Variants in OS9 observed in about 807,000 individuals in gnomAD.
The protein encoded by OS9 is OS9 endoplasmic reticulum lectin, also known as protein OS-9.
In OS9, 58 loss-of-function variants were observed where a neutral mutation model predicts 84.7. The observed-to-expected ratio is 0.68, with a 90% confidence interval of 0.55 to 0.85. OS9 has a LOEUF of 0.85. Among genes scored for constraint, OS9 ranks in the 40% least tolerant of loss-of-function variants. The pLI, the probability that OS9 is intolerant of heterozygous loss-of-function variation, is 0.00. For synonymous variants in OS9, 278 were observed against 320.8 expected, an observed-to-expected ratio of 0.87 and a Z score of 1.43; for missense variants, 760 against 850.9, an observed-to-expected ratio of 0.89 and a Z score of 1.33.
intron 5 of OS9, among the ~76,000 whole-genome samples, chr12:57,711,803 A>G (rs1026824573): frequency 6.6e-6 from 1 of 152,226 alleles, no homozygotes; most frequent in African/African-American, 2.4e-5. Context: ...CTTACATATA[A>G]TTGGGCTGGG....
chr12:57,714,389 G>C (rs1954421541), intron 5 of OS9, among the ~76,000 whole-genome samples: 1 of 152,132 alleles, frequency 6.6e-6, no homozygotes, highest in South Asian at 2.1e-4. Context: ...ATTTTTAGTA[G>C]AGATGGGGTT....
Position 57,720,918 on chromosome 12 carries a change from C to G in OS9, c.*9C>G. ...ACGAATTTGACTTCTGAGACCAACA[C>G]TACACTTGACCCTTCACGGAATCCA... On this transcript the variant is annotated 3_prime_UTR_variant, in exon 15 of 15. Transcript: ENST00000315970. 6.2e-7 allele frequency: 1 copy of G among 1,614,082 alleles called. No individual in the cohort carries two copies. Among genetic ancestry groups the G allele is most frequent in the Non-Finnish European group, 8.5e-7 (1 of 1,179,946 alleles).
intron 2 of OS9, chr12:57,695,187 G>C (rs1953789033): frequency 3.9e-6 from 2 of 509,614 alleles, no homozygotes; most frequent in Non-Finnish European, 7.1e-6. Flanking sequence ...TGGGGTAGGA[G>C]GAGTACTTCC....
intron 5 of OS9, among the ~76,000 whole-genome samples, chr12:57,697,924 TAC>T (rs61407014): frequency 0.027 from 2,456 of 91,564 alleles, 100 homozygotes; most frequent in East Asian, 0.21. Context: ...CACACACACA[TAC>T]ACACACACAC....
At chr12:57,695,120 G>T (rs922037091) in intron 2 of OS9, 194 bp downstream of exon 2, 1 of 597,160 alleles carries the variant, frequency 1.7e-6, no homozygotes, top group Admixed American at 3.0e-5. Flanking sequence ...CTGAACGTAG[G>T]AGCAGGTTAG....
At chr12:57,718,109 C>A in intron 10 of OS9, 37 bp from the exon 11 acceptor site, 1 of 1,599,306 alleles carries the variant, frequency 6.3e-7, no homozygotes, top group Non-Finnish European at 8.5e-7. Flanking sequence ...TCTGTTGAAA[C>A]CCCAACTGTC....
chr12:57,696,931 A>G (rs1295836738), intron 5 of OS9, among the ~76,000 whole-genome samples: 4 of 152,160 alleles, frequency 2.6e-5, no homozygotes, highest in Non-Finnish European at 4.4e-5. Flanking sequence ...TCTCGCCTGC[A>G]TCCCTGCAAA....
intron 1 of OS9, 76 bp downstream of exon 1, chr12:57,694,399 G>A (rs1460772184): frequency 1.1e-5 from 16 of 1,466,110 alleles, no homozygotes; most frequent in Non-Finnish European, 1.3e-5. Flanking sequence ...GGGCAGCTCC[G>A]GAGTCTGGGG....
Position 57,715,962 on chromosome 12 carries a change from G to A in OS9, c.782G>A (p.Arg261Lys), listed in dbSNP as rs1172453650. The A allele has an allele frequency of 2.5e-6, 4 of 1,611,720 alleles. No homozygotes were observed. The highest frequency in any genetic ancestry group is 3.4e-6 in the Non-Finnish European group (4 of 1,178,590). ...QPEEYMAYVQ[R>K]QADSKQYGDK... is the part of the protein sequence containing the mutation. Reference sequence around the variant, plus strand: ...GAGGAGTACATGGCCTACGTTCAGAGGCAAGCCGGTGAGTAATTAGAGAAG... The same window carrying A: ...GAGGAGTACATGGCCTACGTTCAGAAGCAAGCCGGTGAGTAATTAGAGAAG... Residue 261 changes from arginine (R) to lysine (K), a missense_variant, in exon 6 of 15, where the codon AGG becomes AAG. By Grantham distance (26) the Arg-to-Lys change is conservative (BLOSUM62 2). Coordinates refer to ENST00000315970, the MANE Select transcript of OS9 (RefSeq NM_006812.4).
chr12:57,701,788 GTTTGT>G (rs56300326), intron 5 of OS9, among the ~76,000 whole-genome samples: 5 of 150,340 alleles, frequency 3.3e-5, no homozygotes, highest in Non-Finnish European at 7.4e-5. Context: ...TCAATTTTTT[GTTTGT>G]TTTGTTTTGT....
rs181002621 is a variant in OS9 at position 57,719,847 on chromosome 12, T to C, written c.1601-252T>C. 1,657 of 387,364 alleles carry C rather than the reference T, an allele frequency of 4.3e-3. 39 individuals are homozygous for C. In the South Asian group the frequency reaches 0.054, roughly 13 times the overall value. 24.0% of individuals were successfully genotyped at this position (387,364 alleles called of 1,614,324 possible). A position where few individuals can be genotyped will look rare whatever the true frequency, so the allele number is the denominator to read the frequency against. ...CCTGATTTTGGCTTTAGAAAACATT[T>C]GTTTTCCTATAGGTGACGGGCAGAA... On this transcript the variant is annotated intron_variant, in intron 12 of 14. Transcript: ENST00000315970.
chr12:57,716,787 G>A (rs1175164724), intron 9 of OS9, 43 bp downstream of exon 9: 1 of 1,571,380 alleles, frequency 6.4e-7, no homozygotes, highest in African/African-American at 1.4e-5. Context: ...TATATTTTAG[G>A]ATTGGCAGGG....
At chr12:57,716,388 C>T (rs748257157) in intron 7 of OS9, 24 bp from the exon 8 acceptor site, 3 of 1,527,864 alleles carry the variant, frequency 2.0e-6, no homozygotes, top group Non-Finnish European at 1.8e-6. Context: ...TCAGATCAGT[C>T]TCTCCCTGTT....
intron 9 of OS9, 152 bp downstream of exon 9, chr12:57,716,896 A>C: frequency 3.0e-6 from 2 of 659,506 alleles, no homozygotes; most frequent in Admixed American, 4.9e-5. Flanking sequence ...TGTAGACAGC[A>C]CTGCTATTTT....
rs747210677 is a variant in OS9, at chr12:57,720,931, T to A, written c.*22T>A. 1.4e-5 allele frequency: 22 copies of A among 1,613,646 alleles called. 1 individual carries two copies. In the South Asian group the frequency reaches 2.1e-4, roughly 15 times the overall value. ...CTGAGACCAACACTACACTTGACCC[T>A]TCACGGAATCCAGACTCTTCCTGGA... On this transcript the variant is annotated 3_prime_UTR_variant, in exon 15 of 15. Coordinates refer to ENST00000315970, the MANE Select transcript of OS9 (RefSeq NM_006812.4).
chr12:57,718,294 A>C lies in OS9; in HGVS notation c.1283A>C (p.Asp428Ala). The C allele has an allele frequency of 6.2e-7, 1 of 1,614,106 alleles. No individual in the cohort carries two copies. The highest frequency in any genetic ancestry group is 1.1e-5 in the South Asian group (1 of 91,086). The change falls in exon 11 of 15, where the codon GAT (aspartate) becomes GCT (alanine). Residue 428 changes from aspartate (D) to alanine (A), a missense_variant. Transcript: ENST00000315970. ...DEDEDEDEDE[D>A]ERQLLGEFEK... ...GATGAGGATGAGGATGAAGATGAGGATGAACGGCAGTTACTGGGAGAATTT... is the reference window on the plus strand; with the variant it reads ...GATGAGGATGAGGATGAAGATGAGGCTGAACGGCAGTTACTGGGAGAATTT...
intron 2 of OS9, chr12:57,695,510 G>C: frequency 1.5e-6 from 1 of 655,434 alleles, no homozygotes; most frequent in Non-Finnish European, 2.8e-6. Flanking sequence ...TCTTTATGGA[G>C]GGCAAATAAG....
intron 12 of OS9, chr12:57,719,656 T>G: frequency 4.9e-6 from 1 of 202,320 alleles, no homozygotes; most frequent in Non-Finnish European, 1.0e-5. Flanking sequence ...CATAGTGTCC[T>G]ATGGGTGTGG....
At position 57,716,517 on chromosome 12, in the gene OS9, G is replaced by A. The variant is rs372044226; in HGVS notation, c.993+5G>A. On this transcript the variant is annotated splice_donor_5th_base_variant and intron_variant, in intron 8 of 14. Coordinates refer to ENST00000315970, the MANE Select transcript of OS9 (RefSeq NM_006812.4). ...GGGGAGGAGGTGCCGGCTGAGGTGA[G>A]ACCAGCTGCCTCAGAGGAGCAGGAT... 2.4e-4 allele frequency: 380 copies of A among 1,569,750 alleles called. No individual in the cohort carries two copies. The highest frequency in any genetic ancestry group is 4.9e-4 in the Admixed American group (26 of 52,848).
Sources: allele counts gnomAD v4.1 joint callset (sites outside exome capture counted in the v4.1 genomes callset), GRCh38; gene constraint gnomAD v4.1.1; transcripts MANE v1.5; gene names NCBI Gene and HGNC (gene_info 2026-07-23, HGNC 2026-07-21).